LAGE3: variants seen among roughly 807,000 people sequenced by gnomAD.
LAGE3 encodes the protein EKC/KEOPS complex subunit LAGE3.
A neutral mutation model predicts 4.4 loss-of-function variants in LAGE3; 2 were observed. That is an observed-to-expected ratio of 0.46 (90% CI 0.19 to 1.44). The LOEUF (loss-of-function observed/expected upper bound fraction) is 1.44. Ranked by LOEUF, LAGE3 falls within the 40% of genes most tolerant of loss-of-function variation. LAGE3 has a pLI of 0.26. For missense variants in LAGE3, 152 were observed against 138.1 expected, an observed-to-expected ratio of 1.10 and a Z score of -0.51; for synonymous variants, 79 against 60.0, an observed-to-expected ratio of 1.32 and a Z score of -1.47.
In LAGE3 at chrX:154,479,096, C is replaced by T; in HGVS notation, c.-181G>A. The T allele has an allele frequency of 3.4e-6, 1 of 295,567 alleles. No homozygotes were observed. Among genetic ancestry groups the T allele is most frequent in the Non-Finnish European group, 5.9e-6 (1 of 169,180 alleles). The allele number at this position is 295,567 out of a possible 1,213,427, so 24.4% of individuals were successfully genotyped here. On this transcript the variant is annotated 5_prime_UTR_variant, in exon 1 of 3. Transcript: ENST00000357360. ...TCCCGCCAAGCGGCCCTGCCGGGGG[C>T]CTTCTGAGACCCGGTCAGCGGTTGA...
Position 154,478,799 on chromosome X carries a change from TG to T in LAGE3, c.116del (p.Pro39GlnfsTer61), listed in dbSNP as rs1557211447. ...TAAAPAGGAPPAHAPGPGRDA... is the reference protein window; with the variant it reads ...TAAAPAGGAPXAHAPGPGRDA... ...CTCTGCCCGGACCTGGCGCGTGCGC[TG>T]GGGGAGCTCCACCGGCCGGAGCTGC... On this transcript the variant is annotated frameshift_variant, in exon 1 of 3. Transcript: ENST00000357360. LOFTEE classifies it high-confidence loss of function. 8.8e-7 allele frequency: 1 copy of T among 1,136,434 alleles called. No individual in the cohort carries two copies. The allele number at this position is 1,136,434 out of a possible 1,213,427, so 93.7% of individuals were successfully genotyped here.
chrX:154,478,931 G>C lies in LAGE3; in HGVS notation c.-16C>G, dbSNP rs1399043993. ...CGTCCCGCATGACCGCCGCCGCGCC[G>C]CTCCGACTCCACCCCCGAAGCGCAG... On this transcript the variant is annotated 5_prime_UTR_variant, in exon 1 of 3. Transcript: ENST00000357360. 7 of 863,469 alleles carry C rather than the reference G, an allele frequency of 8.1e-6. No homozygotes were observed. The highest frequency in any genetic ancestry group is 3.9e-5 in the South Asian group (1 of 25,382). 71.2% of individuals were successfully genotyped at this position (863,469 alleles called of 1,213,427 possible). A position where few individuals can be genotyped will look rare whatever the true frequency, so the allele number is the denominator to read the frequency against.
Position 154,478,939 on chromosome X carries a change from T to C in LAGE3, c.-24A>G. 1.2e-6 allele frequency: 1 copy of C among 830,747 alleles called. No individual in the cohort carries two copies. The highest frequency in any genetic ancestry group is 1.6e-6 in the Non-Finnish European group (1 of 644,269). 68.5% of individuals were successfully genotyped at this position (830,747 alleles called of 1,213,427 possible). Reference sequence around the variant, plus strand: ...ATGACCGCCGCCGCGCCGCTCCGACTCCACCCCCGAAGCGCAGGTCCTACG... The same window carrying C: ...ATGACCGCCGCCGCGCCGCTCCGACCCCACCCCCGAAGCGCAGGTCCTACG... On this transcript the variant is annotated 5_prime_UTR_variant, in exon 1 of 3. Transcript: ENST00000357360.
Position 154,478,790 on chromosome X carries a change from C to G in LAGE3, c.126G>C (p.Ala42=), listed in dbSNP as rs782494587. The G allele has an allele frequency of 1.5e-5, 17 of 1,135,940 alleles. No individual in the cohort carries two copies. Among genetic ancestry groups the G allele is most frequent in the Non-Finnish European group, 9.2e-6 (8 of 866,291 alleles). The allele number at this position is 1,135,940 out of a possible 1,213,427, so 93.6% of individuals were successfully genotyped here. The change falls in exon 1 of 3, where the codon GCG becomes GCC. Residue 42 remains alanine (A), a synonymous_variant. Coordinates refer to ENST00000357360, the MANE Select transcript of LAGE3 (RefSeq NM_006014.5). The part of the protein sequence containing the change: ...APAGGAPPAH[A]PGPGRDAASA... ...ACGCGGCGTCTCTGCCCGGACCTGG[C>G]GCGTGCGCTGGGGGAGCTCCACCGG...
intron 2 of LAGE3, 35 bp from the exon 3 acceptor site, chrX:154,478,093 G>T: frequency 8.7e-7 from 1 of 1,143,449 alleles, no homozygotes; most frequent in Non-Finnish European, 1.2e-6. Flanking sequence ...CAAATTGGAG[G>T]TGGCAACTCC....
chrX:154,477,782 G>A lies in LAGE3; in HGVS notation c.*162C>T, dbSNP rs1165626066. On this transcript the variant is annotated 3_prime_UTR_variant, in exon 3 of 3. Coordinates refer to ENST00000357360, the MANE Select transcript of LAGE3 (RefSeq NM_006014.5). Reference sequence around the variant, plus strand: ...ATAAACTCAGACTTGGAATAGTAGCGCAGTTTTATTTTCTGTAGTAACAAA... The same window carrying A: ...ATAAACTCAGACTTGGAATAGTAGCACAGTTTTATTTTCTGTAGTAACAAA... 3.0e-5 allele frequency: 13 copies of A among 428,621 alleles called. No individual in the cohort carries two copies. In the Admixed American group the frequency reaches 3.5e-4, roughly 12 times the overall value. The allele number at this position is 428,621 out of a possible 1,213,427, so 35.3% of individuals were successfully genotyped here.
Position 154,478,818 on chromosome X carries a change from G to A in LAGE3, c.98C>T (p.Pro33Leu). Residue 33 changes from proline (P) to leucine (L), a missense_variant, in exon 1 of 3, where the codon CCG becomes CTG. Pro to Leu is a moderately conservative substitution (Grantham distance 98). Coordinates refer to ENST00000357360, the MANE Select transcript of LAGE3 (RefSeq NM_006014.5). ...CRGGVDTAAA[P>L]AGGAPPAHAP... ...GTGCGCTGGGGGAGCTCCACCGGCC[G>A]GAGCTGCGGCTGTGTCCACGCCCCC... 3 of 1,118,330 alleles carry A rather than the reference G, an allele frequency of 2.7e-6. No homozygotes were observed. Among genetic ancestry groups the A allele is most frequent in the East Asian group, 3.6e-5 (1 of 27,851 alleles). 92.2% of individuals were successfully genotyped at this position (1,118,330 alleles called of 1,213,427 possible). A position where few individuals can be genotyped will look rare whatever the true frequency, so the allele number is the denominator to read the frequency against.
intron 1 of LAGE3, 138 bp downstream of exon 1, chrX:154,478,590 C>A: frequency 1.0e-6 from 1 of 973,546 alleles, no homozygotes. Flanking sequence ...TCCCCTCCTC[C>A]GACCACCTCT....
At chrX:154,478,467 C>T in intron 1 of LAGE3, 56 bp from the exon 2 acceptor site, 4 of 1,135,674 alleles carry the variant, frequency 3.5e-6, no homozygotes, top group Non-Finnish European at 4.7e-6. Context: ...TGTCTCAGGC[C>T]TTCTTGCTCC....
In LAGE3 at chrX:154,478,808, T is replaced by G. The variant is rs2069255077; in HGVS notation, c.108A>C (p.Gly36=). 8.9e-7 allele frequency: 1 copy of G among 1,127,526 alleles called. No individual in the cohort carries two copies. The allele number at this position is 1,127,526 out of a possible 1,213,427, so 92.9% of individuals were successfully genotyped here. Reference sequence around the variant, plus strand: ...GACCTGGCGCGTGCGCTGGGGGAGCTCCACCGGCCGGAGCTGCGGCTGTGT... The same window carrying G: ...GACCTGGCGCGTGCGCTGGGGGAGCGCCACCGGCCGGAGCTGCGGCTGTGT... The part of the protein sequence containing the change: ...GVDTAAAPAG[G]APPAHAPGPG... Residue 36 remains glycine, a synonymous_variant, in exon 1 of 3, where the codon GGA becomes GGC. Coordinates refer to ENST00000357360, the MANE Select transcript of LAGE3 (RefSeq NM_006014.5).
In LAGE3 at chrX:154,478,863, C is replaced by G. The variant is rs782126361; in HGVS notation, c.53G>C (p.Arg18Pro). 2.9e-6 allele frequency: 3 copies of G among 1,017,269 alleles called. No individual in the cohort carries two copies. Among genetic ancestry groups the G allele is most frequent in the African/African-American group, 4.0e-5 (2 of 49,982 alleles). 83.8% of individuals were successfully genotyped at this position (1,017,269 alleles called of 1,213,427 possible). A position where few individuals can be genotyped will look rare whatever the true frequency, so the allele number is the denominator to read the frequency against. The part of the protein sequence containing the change: ...AGGGADGGDG[R>P]GGHSCRGGVD... ...GCCCCCGCGGCAGCTGTGGCCACCC[C>G]GGCCATCCCCGCCGTCAGCGCCTCC... is the stretch of plus-strand genomic sequence containing the variant. The change falls in exon 1 of 3, where the codon CGG becomes CCG. Residue 18 changes from arginine to proline, a missense_variant. By Grantham distance (103) the Arg-to-Pro change is moderately radical. Coordinates refer to ENST00000357360, the MANE Select transcript of LAGE3 (RefSeq NM_006014.5).
intron 1 of LAGE3, 81 bp downstream of exon 1, chrX:154,478,647 G>GCCCCCCCCCCCC: frequency 2.5e-6 from 2 of 786,963 alleles, no homozygotes; most frequent in Non-Finnish European, 3.3e-6. Flanking sequence ...CTTTCCGTCG[G>GCCCCCCCCCCCC]CCCCCCGCCC....
rs185059986 is a variant in LAGE3, at chrX:154,477,961, G to T, written c.415C>A (p.Pro139Thr). Reference protein sequence around the residue: ...LVVRTMQRFGPPVSR With the variant: ...LVVRTMQRFGTPVSR ...GGCCAGGCTTAGCGGGAAACGGGGG[G>T]CCCAAAGCGCTGCATGGTCCGCACC... Residue 139 changes from proline (P) to threonine (T), a missense_variant, in exon 3 of 3, where the codon CCC becomes ACC. Coordinates refer to ENST00000357360, the MANE Select transcript of LAGE3 (RefSeq NM_006014.5). 9.1e-6 allele frequency: 11 copies of T among 1,209,884 alleles called. No individual in the cohort carries two copies. The Admixed American group carries it at 2.4e-4, about 26-fold the overall frequency.
At position 154,479,107 on chromosome X, in the gene LAGE3, C is replaced by T. The variant is rs781939528; in HGVS notation, c.-192G>A. ...GGCCCTGCCGGGGGCCTTCTGAGACCCGGTCAGCGGTTGAGAGGCTGCGGT... is the reference window on the plus strand; with the variant it reads ...GGCCCTGCCGGGGGCCTTCTGAGACTCGGTCAGCGGTTGAGAGGCTGCGGT... On this transcript the variant is annotated 5_prime_UTR_variant, in exon 1 of 3. Coordinates refer to ENST00000357360, the MANE Select transcript of LAGE3 (RefSeq NM_006014.5). 7 of 294,048 alleles carry T rather than the reference C, an allele frequency of 2.4e-5. No individual in the cohort carries two copies. Among genetic ancestry groups the T allele is most frequent in the Non-Finnish European group, 3.0e-5 (5 of 168,376 alleles). The allele number at this position is 294,048 out of a possible 1,213,427, so 24.2% of individuals were successfully genotyped here.
Position 154,479,165 on chromosome X carries a change from C to G in LAGE3, c.-250G>C. The G allele has an allele frequency of 3.5e-6, 1 of 282,940 alleles. No individual in the cohort carries two copies. Among genetic ancestry groups the G allele is most frequent in the Non-Finnish European group, 6.2e-6 (1 of 160,415 alleles). The allele number at this position is 282,940 out of a possible 1,213,427, so 23.3% of individuals were successfully genotyped here. A position where few individuals can be genotyped will look rare whatever the true frequency, so the allele number is the denominator to read the frequency against. Reference sequence around the variant, plus strand: ...AGAAACTCTGCCCTTTCGCGCGTAACTCGATTCCAGAGCGCTGGTGCAAAC... The same window carrying G: ...AGAAACTCTGCCCTTTCGCGCGTAAGTCGATTCCAGAGCGCTGGTGCAAAC... On this transcript the variant is annotated 5_prime_UTR_variant, in exon 1 of 3. Coordinates refer to ENST00000357360, the MANE Select transcript of LAGE3 (RefSeq NM_006014.5).
Position 154,479,025 on chromosome X carries a change from C to G in LAGE3, c.-110G>C, listed in dbSNP as rs2069257683. ...CCCCCTGCGCACGACTCCGCCCACA[C>G]GCGCCTGCGCAGGTCCCTGGAGAGC... On this transcript the variant is annotated 5_prime_UTR_variant, in exon 1 of 3. Transcript: ENST00000357360. The G allele has an allele frequency of 5.3e-6, 2 of 378,794 alleles. No individual in the cohort carries two copies. The highest frequency in any genetic ancestry group is 8.3e-6 in the Non-Finnish European group (2 of 240,125). The allele number at this position is 378,794 out of a possible 1,213,427, so 31.2% of individuals were successfully genotyped here.
intron 1 of LAGE3, 23 bp from the exon 2 acceptor site, chrX:154,478,434 G>C: frequency 8.5e-7 from 1 of 1,170,971 alleles, no homozygotes. Flanking sequence ...CGGTTAAGGT[G>C]CCATCTGATA....
chrX:154,478,161 A>G (rs1352869992), intron 2 of LAGE3, 103 bp from the exon 3 acceptor site: 5 of 1,115,062 alleles, frequency 4.5e-6, no homozygotes, highest in Non-Finnish European at 6.2e-6. Flanking sequence ...GAGCCCTGCC[A>G]TTACACAGCC....
Position 154,479,274 on chromosome X carries a change from C to T in LAGE3, c.-359G>A, listed in dbSNP as rs1220048690. The T allele has an allele frequency of 5.6e-6, 1 of 177,588 alleles. No individual in the cohort carries two copies. Among genetic ancestry groups the T allele is most frequent in the Non-Finnish European group, 1.1e-5 (1 of 94,511 alleles). The allele number at this position is 177,588 out of a possible 1,213,427, so 14.6% of individuals were successfully genotyped here. On this transcript the variant is annotated 5_prime_UTR_variant, in exon 1 of 3. Coordinates refer to ENST00000357360, the MANE Select transcript of LAGE3 (RefSeq NM_006014.5). The stretch of plus-strand genomic sequence containing the variant: ...GTGGTCGCCTATCCCAGAGGCGCAC[C>T]CCGCGAGGCTCCGCCCCTAAGCGCG...
Sources: gnomAD v4.1 joint callset for allele counts on GRCh38, gnomAD v4.1.1 for gene constraint, MANE v1.5 for transcripts, NCBI Gene and HGNC (gene_info 2026-07-23, HGNC 2026-07-21) for gene names.